INTS6: variants seen among roughly 807,000 people sequenced by gnomAD.
INTS6 encodes the protein integrator complex subunit 6.
In INTS6, 16 loss-of-function variants were observed where a neutral mutation model predicts 104.9. The observed-to-expected ratio is 0.15, with a 90% CI of 0.10 to 0.23. INTS6 has a LOEUF of 0.23. Ranked by LOEUF, INTS6 falls within the 10% of genes least tolerant of loss-of-function variation. The pLI is 1.00. For missense variants in INTS6, 584 were observed against 1,062.8 expected, an observed-to-expected ratio of 0.55 and a Z score of 6.26; for synonymous variants, 324 against 358.7, an observed-to-expected ratio of 0.90 and a Z score of 1.09.
downstream of INTS6, among the ~76,000 whole-genome samples, chr13:51,356,718 CA>C (rs1292989239): frequency 6.6e-6 from 1 of 152,034 alleles, no homozygotes; most frequent in East Asian, 1.9e-4. Flanking sequence ...CCAAGGTCCA[CA>C]AACTCCTCTG....
intron 4 of INTS6, 77 bp from the exon 5 acceptor site, chr13:51,395,560 C>G: frequency 1.6e-6 from 2 of 1,270,308 alleles, no homozygotes; most frequent in Non-Finnish European, 1.1e-6. Flanking sequence ...ATTACACTTA[C>G]GTTAGAACTG....
chr13:51,404,594 T>A (rs1262330760), intron 4 of INTS6, among the ~76,000 whole-genome samples: 1 of 152,198 alleles, frequency 6.6e-6, no homozygotes, highest in Non-Finnish European at 1.5e-5. Flanking sequence ...GTATAAGATG[T>A]ATACTGAGAA....
At chr13:51,339,698 A>C in the INTS6 span, 1 of 152,238 alleles carries the variant, frequency 6.6e-6, no homozygotes, top group Non-Finnish European at 1.5e-5. Context: ...GAGACCCACA[A>C]GAACAGAGTC....
intron 5 of INTS6, among the ~76,000 whole-genome samples, chr13:51,390,592 C>T (rs983138166): frequency 5.9e-5 from 9 of 151,986 alleles, no homozygotes; most frequent in Admixed American, 4.6e-4. Context: ...TTTACACATT[C>T]AACCAATTAT....
chr13:51,415,026 C>G (rs1204682051), intron 4 of INTS6, among the ~76,000 whole-genome samples: 1 of 151,994 alleles, frequency 6.6e-6, no homozygotes, highest in African/African-American at 2.4e-5. Flanking sequence ...AAAAGGTATA[C>G]TAAACAGATC....
the INTS6 span, among the ~76,000 whole-genome samples, chr13:51,345,544 G>A: frequency 7.3e-6 from 1 of 137,168 alleles, no homozygotes; most frequent in South Asian, 2.5e-4. Flanking sequence ...GCAGTGAGCT[G>A]AGACTGCGTC....
chr13:51,388,566 T>C (rs1956186331), intron 6 of INTS6, among the ~76,000 whole-genome samples: 1 of 152,102 alleles, frequency 6.6e-6, no homozygotes, highest in African/African-American at 2.4e-5. Flanking sequence ...GCTCATTTTG[T>C]ATTTTTAGTA....
chr13:51,346,236 A>C, the INTS6 span, among the ~76,000 whole-genome samples: 1 of 152,198 alleles, frequency 6.6e-6, no homozygotes, highest in Non-Finnish European at 1.5e-5. Context: ...ATGAAATTTT[A>C]ACTGCAGCCC....
rs893762655 is a variant in INTS6, at chr13:51,363,461, A to G, written c.*2291T>C. 6.6e-6 allele frequency: 1 copy of G among 151,864 alleles called. No individual in the cohort carries two copies. Among genetic ancestry groups the G allele is most frequent in the Admixed American group, 6.6e-5 (1 of 15,202 alleles). 9.4% of individuals were successfully genotyped at this position (151,864 alleles called of 1,614,324 possible). ...TTTCCAACTGACAAATCTTACTAAG[A>G]GCAACTAATGAATCAATCAGCAAAT... On this transcript the variant is annotated 3_prime_UTR_variant, in exon 18 of 18. Coordinates refer to ENST00000311234, the MANE Select transcript of INTS6 (RefSeq NM_012141.3).
chr13:51,344,316 C>T, the INTS6 span: 14 of 1,613,842 alleles, frequency 8.7e-6, no homozygotes, highest in Admixed American at 1.7e-5. Context: ...GCCAAGGCAC[C>T]GAGATGGAGC....
At chr13:51,359,642 T>C (rs1436555782), downstream of INTS6, among the ~76,000 whole-genome samples, 1 of 152,130 alleles carries the variant, frequency 6.6e-6, no homozygotes, top group Non-Finnish European at 1.5e-5. Flanking sequence ...ATTTACTGTA[T>C]TTTAGCTGAT....
intron 3 of INTS6, chr13:51,449,832 C>T (rs1952997592): frequency 1.0e-6 from 1 of 985,118 alleles, no homozygotes; most frequent in Admixed American, 6.2e-5. Flanking sequence ...ATGGGAAAAA[C>T]ATAAAAGTAT....
Position 51,389,310 on chromosome 13 carries a change from C to A in INTS6, c.739+9G>T, listed in dbSNP as rs760411602. 1 of 1,606,018 alleles carries A rather than the reference C, an allele frequency of 6.2e-7. No homozygotes were observed. The highest frequency in any genetic ancestry group is 1.1e-5 in the South Asian group (1 of 89,494). On this transcript the variant is annotated intron_variant, in intron 6 of 17. Transcript: ENST00000311234. ...GTTTTGAATGTCTAAAAGAAAAGTG[C>A]AATAATACCTTCTACAGGGGAAGGA... is the stretch of plus-strand genomic sequence containing the variant.
chr13:51,395,798 TG>T (rs1403272295), intron 4 of INTS6, among the ~76,000 whole-genome samples: 22 of 152,192 alleles, frequency 1.4e-4, no homozygotes, highest in African/African-American at 5.3e-4. Flanking sequence ...AAAACAACCC[TG>T]TGATAGATAT....
chr13:51,425,852 C>T (rs115199136), intron 4 of INTS6, among the ~76,000 whole-genome samples: 200 of 152,036 alleles, frequency 1.3e-3, no homozygotes, highest in Admixed American at 4.3e-3. Context: ...TCAACATCAA[C>T]GGTAACTACT....
chr13:51,341,125 C>T, the INTS6 span: 1 of 1,614,024 alleles, frequency 6.2e-7, no homozygotes, highest in East Asian at 2.2e-5. Flanking sequence ...CTTCCTCTTT[C>T]ACTCTTGCTG....
downstream of INTS6, among the ~76,000 whole-genome samples, chr13:51,359,983 C>T (rs1955538874): frequency 6.6e-6 from 1 of 152,032 alleles, no homozygotes; most frequent in Non-Finnish European, 1.5e-5. Flanking sequence ...CTTCCTCTGG[C>T]CCTTCCTGTC....
chr13:51,436,792 G>T (rs1952698551), intron 3 of INTS6: 1 of 152,148 alleles, frequency 6.6e-6, no homozygotes, highest in South Asian at 2.1e-4. Flanking sequence ...TTTTATACTT[G>T]AACTGGAATC....
At chr13:51,388,048 C>A (rs983048216) in intron 6 of INTS6, among the ~76,000 whole-genome samples, 1 of 152,168 alleles carries the variant, frequency 6.6e-6, no homozygotes, top group African/African-American at 2.4e-5. Context: ...AAAGCACCTA[C>A]CTTTAATCTA....
Sources: gnomAD v4.1 joint callset for allele counts (sites outside exome capture counted in the v4.1 genomes callset) on GRCh38, gnomAD v4.1.1 for gene constraint, MANE v1.5 for transcripts, NCBI Gene and HGNC (gene_info 2026-07-23, HGNC 2026-07-21) for gene names.